The following VSTM2B variants were observed in gnomAD, a reference collection of about 807,000 sequenced individuals.
VSTM2B encodes the protein V-set and transmembrane domain-containing protein 2B.
In VSTM2B, 24 loss-of-function variants were observed where a neutral mutation model predicts 24.0. The observed-to-expected ratio is 1.00, with a 90% CI of 0.72 to 1.40. The LOEUF is 1.40. Ranked by LOEUF, VSTM2B falls within the 40% of genes most tolerant of loss-of-function variation. The probability of loss-of-function intolerance (pLI) is 0.00; values close to 1 mark genes in which losing one functional copy is unlikely to be tolerated. For synonymous variants in VSTM2B, 226 were observed against 194.4 expected, an observed-to-expected ratio of 1.16 and a Z score of -1.35; for missense variants, 399 against 416.4, an observed-to-expected ratio of 0.96 and a Z score of 0.36.
rs1159096920 is a variant in VSTM2B at position 29,564,479 on chromosome 19, G to A, written c.*545G>A. The A allele has an allele frequency of 2.6e-5, 4 of 152,360 alleles. No individual in the cohort carries two copies. The highest frequency in any genetic ancestry group is 4.8e-5 in the African/African-American group (2 of 41,432). The allele number at this position is 152,360 out of a possible 1,614,324, so 9.4% of individuals were successfully genotyped here. Reference sequence around the variant, plus strand: ...ATTTTTAAATAAAGATTGGAAACAAGGTCAGACACTTGTTTATAAACTGTA... The same window carrying A: ...ATTTTTAAATAAAGATTGGAAACAAAGTCAGACACTTGTTTATAAACTGTA... On this transcript the variant is annotated 3_prime_UTR_variant, in exon 5 of 5. Transcript: ENST00000335523.
In VSTM2B at chr19:29,537,716, C is replaced by G. The variant is rs145538351; in HGVS notation, c.769+7426C>G. On this transcript the variant is annotated intron_variant, in intron 4 of 4. Coordinates refer to ENST00000335523, the MANE Select transcript of VSTM2B (RefSeq NM_001146339.2). ...CCACCCGCCCCCACACCCACCTACTCTCCCGCACCCACCTACTCTCCCGCA... is the reference window on the plus strand; with the variant it reads ...CCACCCGCCCCCACACCCACCTACTGTCCCGCACCCACCTACTCTCCCGCA... 4.3e-3 allele frequency among the ~76,000 whole-genome samples: 607 copies of G among 140,742 alleles called. 4 individuals carry two copies. The highest frequency in any genetic ancestry group is 6.4e-3 in the South Asian group (29 of 4,502). 92.3% of individuals were successfully genotyped at this position (140,742 alleles called of 152,430 possible). A position where few individuals can be genotyped will look rare whatever the true frequency, so the allele number is the denominator to read the frequency against.
chr19:29,542,517 A>G (rs1007887231), intron 4 of VSTM2B, among the ~76,000 whole-genome samples: 11 of 150,902 alleles, frequency 7.3e-5, no homozygotes, highest in Admixed American at 6.6e-4. Flanking sequence ...AGGTAGATGG[A>G]TGGGAGAATG....
chr19:29,548,906 C>T (rs1354186572), intron 4 of VSTM2B, among the ~76,000 whole-genome samples: 2 of 152,216 alleles, frequency 1.3e-5, no homozygotes, highest in Admixed American at 6.5e-5. Flanking sequence ...GCAAAAGGGG[C>T]CCAACTGCGC....
At chr19:29,537,026 T>A (rs1305760365) in intron 4 of VSTM2B, among the ~76,000 whole-genome samples, 2 of 152,222 alleles carry the variant, frequency 1.3e-5, no homozygotes, top group Non-Finnish European at 2.9e-5. Context: ...ATTATCTTTT[T>A]TATTCCCCCA....
At chr19:29,536,600 G>A (rs886716352) in intron 4 of VSTM2B, among the ~76,000 whole-genome samples, 6 of 152,078 alleles carry the variant, frequency 3.9e-5, no homozygotes, top group East Asian at 3.8e-4. Flanking sequence ...TCCTCTCACC[G>A]GCTTTCCTCC....
At chr19:29,555,284 G>A (rs575460019) in intron 4 of VSTM2B, among the ~76,000 whole-genome samples, 1 of 152,196 alleles carries the variant, frequency 6.6e-6, no homozygotes, top group African/African-American at 2.4e-5. Context: ...TATGAAAATG[G>A]AACAACTAGC....
At position 29,529,892 on chromosome 19, in the gene VSTM2B, T is replaced by A. The variant is rs750971303; in HGVS notation, c.371T>A (p.Val124Glu). Residue 124 changes from valine to glutamate, a missense_variant, in exon 4 of 5, where the codon GTG becomes GAG. Val to Glu is a moderately radical substitution (Grantham distance 121, BLOSUM62 -2). Coordinates refer to ENST00000335523, the MANE Select transcript of VSTM2B (RefSeq NM_001146339.2). ...LSAVRLQDEGVYECRVSDYSD... is the reference protein window; with the variant it reads ...LSAVRLQDEGEYECRVSDYSD... ...GCCGTGCGGCTGCAGGACGAGGGCGTGTACGAGTGCCGCGTGTCGGACTAC... is the reference window on the plus strand; with the variant it reads ...GCCGTGCGGCTGCAGGACGAGGGCGAGTACGAGTGCCGCGTGTCGGACTAC... 1.3e-6 allele frequency: 2 copies of A among 1,550,196 alleles called. No homozygotes were observed. The highest frequency in any genetic ancestry group is 2.7e-5 in the African/African-American group (2 of 73,040).
At chr19:29,553,555 A>C (rs1291579595) in intron 4 of VSTM2B, among the ~76,000 whole-genome samples, 1 of 152,200 alleles carries the variant, frequency 6.6e-6, no homozygotes, top group Admixed American at 6.5e-5. Flanking sequence ...TTCTCCTCCA[A>C]ATGATTGCAA....
In VSTM2B at chr19:29,548,353, C is replaced by T. The variant is rs1019142270; in HGVS notation, c.770-15493C>T. On this transcript the variant is annotated intron_variant, in intron 4 of 4. Coordinates refer to ENST00000335523, the MANE Select transcript of VSTM2B (RefSeq NM_001146339.2). ...CATGTCTCGTCTGCTCTCAAAGGTCCGCACCCCACACTGGACTTTTCTTTA... is the reference window on the plus strand; with the variant it reads ...CATGTCTCGTCTGCTCTCAAAGGTCTGCACCCCACACTGGACTTTTCTTTA... Among the ~76,000 whole-genome samples, 10 of 152,246 alleles carry T rather than the reference C, an allele frequency of 6.6e-5. No homozygotes were observed. In the East Asian group the frequency reaches 7.7e-4, roughly 12 times the overall value.
chr19:29,526,759 C>G lies in VSTM2B; in HGVS notation c.82+94C>G. 1.6e-6 allele frequency: 2 copies of G among 1,215,648 alleles called. No individual in the cohort carries two copies. Among genetic ancestry groups the G allele is most frequent in the Non-Finnish European group, 1.1e-6 (1 of 876,788 alleles). 75.3% of individuals were successfully genotyped at this position (1,215,648 alleles called of 1,614,324 possible). A position where few individuals can be genotyped will look rare whatever the true frequency, so the allele number is the denominator to read the frequency against. On this transcript the variant is annotated intron_variant, in intron 1 of 4. Transcript: ENST00000335523. The surrounding 1 kb of genome is among the most constrained non-coding windows in gnomAD (Gnocchi z 4.1). ...AGAAGAAAGAGAACGAACCGGGAAG[C>G]TTCGCGGTCTCCAGCAATCCCGCTG...
At chr19:29,530,369 C>T in intron 4 of VSTM2B, 79 bp downstream of exon 4, 3 of 1,303,866 alleles carry the variant, frequency 2.3e-6, no homozygotes, top group South Asian at 3.3e-5. Context: ...CGGGGGGCTC[C>T]GGACCCAGGA....
chr19:29,530,130 G>A lies in VSTM2B; in HGVS notation c.609G>A (p.Pro203=), dbSNP rs1006071766. 4 of 1,452,458 alleles carry A rather than the reference G, an allele frequency of 2.8e-6. No homozygotes were observed. The highest frequency in any genetic ancestry group is 1.3e-5 in the South Asian group (1 of 74,380). 90.0% of individuals were successfully genotyped at this position (1,452,458 alleles called of 1,614,324 possible). The change falls in exon 4 of 5, where the codon CCG becomes CCA. Residue 203 remains proline, a synonymous_variant. Transcript: ENST00000335523. The part of the protein sequence containing the change: ...SEPGRGDKSP[P]PGSPPAAIDP... ...CCGGCCGCGGCGACAAGAGCCCGCCGCCCGGGAGCCCTCCCGCCGCCATCG... is the reference window on the plus strand; with the variant it reads ...CCGGCCGCGGCGACAAGAGCCCGCCACCCGGGAGCCCTCCCGCCGCCATCG...
At chr19:29,556,146 C>T in intron 4 of VSTM2B, among the ~76,000 whole-genome samples, 1 of 147,990 alleles carries the variant, frequency 6.8e-6, no homozygotes, top group African/African-American at 2.6e-5. Flanking sequence ...CCCTGATGAA[C>T]ATCGATGCAA....
chr19:29,549,712 G>A (rs983813293), intron 4 of VSTM2B, among the ~76,000 whole-genome samples: 8 of 152,226 alleles, frequency 5.3e-5, no homozygotes, highest in Admixed American at 5.2e-4. Flanking sequence ...AAAGGATGGG[G>A]TTTGACTGTA....
chr19:29,527,819 G>A (rs1969624314), intron 2 of VSTM2B, among the ~76,000 whole-genome samples: 1 of 152,154 alleles, frequency 6.6e-6, no homozygotes, highest in East Asian at 1.9e-4. Flanking sequence ...ACCGAGTACC[G>A]GAAAGCCGGC....
At position 29,526,726 on chromosome 19, in the gene VSTM2B, C is replaced by T. The variant is rs1969579413; in HGVS notation, c.82+61C>T. On this transcript the variant is annotated intron_variant, in intron 1 of 4. Transcript: ENST00000335523. This position sits in a 1 kb window ranked among gnomAD's most constrained non-coding sequence, Gnocchi z 4.1. ...GGGGGGTCTTTGCTGGGGCCGCCAC[C>T]GAGAAGAAGAAGAAAGAGAACGAAC... 4.9e-6 allele frequency: 7 copies of T among 1,415,866 alleles called. No homozygotes were observed. In the South Asian group the frequency reaches 7.6e-5, roughly 15 times the overall value. 87.7% of individuals were successfully genotyped at this position (1,415,866 alleles called of 1,614,324 possible). A position where few individuals can be genotyped will look rare whatever the true frequency, so the allele number is the denominator to read the frequency against.
intron 4 of VSTM2B, among the ~76,000 whole-genome samples, chr19:29,551,689 G>A (rs911369959): frequency 6.6e-6 from 1 of 152,056 alleles, no homozygotes; most frequent in Non-Finnish European, 1.5e-5. Flanking sequence ...TCCATCAGAG[G>A]GCTTCCCTCA....
rs576973094 is a variant in VSTM2B, at chr19:29,551,274, A to T, written c.770-12572A>T. 8.5e-5 allele frequency among the ~76,000 whole-genome samples: 13 copies of T among 152,322 alleles called. No homozygotes were observed. In the East Asian group the frequency reaches 2.5e-3, roughly 29 times the overall value. ...GAAGCTAACTCACAGGCTTGGGCAG[A>T]GCTTGGGTCAGACGATGGCCTGGAG... On this transcript the variant is annotated intron_variant, in intron 4 of 4. Coordinates refer to ENST00000335523, the MANE Select transcript of VSTM2B (RefSeq NM_001146339.2).
chr19:29,555,247 A>G (rs752082467), intron 4 of VSTM2B, among the ~76,000 whole-genome samples: 2 of 152,236 alleles, frequency 1.3e-5, no homozygotes, highest in Non-Finnish European at 2.9e-5. Context: ...CTCAAAATTA[A>G]GAAACTCACT....
Sources: allele counts gnomAD v4.1 joint callset (sites outside exome capture counted in the v4.1 genomes callset), GRCh38; gene constraint gnomAD v4.1.1; non-coding constraint Gnocchi (gnomAD v3.1); transcripts MANE v1.5; gene names NCBI Gene and HGNC (gene_info 2026-07-23, HGNC 2026-07-21).